SMARCAL1: variants seen among roughly 807,000 people sequenced by gnomAD.
SMARCAL1 encodes the protein SNF2 related chromatin remodeling annealing helicase 1, also known as ATP-driven annealing helicase.
SMARCAL1 carries 58 observed loss-of-function variants against 94.5 expected under a neutral mutation model. The ratio of observed to expected loss-of-function variants is 0.61; its 90% CI spans 0.50 to 0.76. The LOEUF (loss-of-function observed/expected upper bound fraction) is 0.76, where lower values mean the gene tolerates loss of function less well. Ranked by LOEUF, SMARCAL1 falls within the 30% of genes least tolerant of loss-of-function variation. The probability of loss-of-function intolerance (pLI) is 0.00; values close to 1 mark genes in which losing one functional copy is unlikely to be tolerated. For synonymous variants in SMARCAL1, 422 were observed against 455.1 expected, an observed-to-expected ratio of 0.93 and a Z score of 0.93; for missense variants, 1,051 against 1,177.9, an observed-to-expected ratio of 0.89 and a Z score of 1.58.
At chr2:216,461,821 C>A (rs1438588078) in intron 12 of SMARCAL1, among the ~76,000 whole-genome samples, 1 of 150,222 alleles carries the variant, frequency 6.7e-6, no homozygotes, top group African/African-American at 2.5e-5. Context: ...CAGACAGAGA[C>A]CTTGTCTCAA....
intron 6 of SMARCAL1, chr2:216,426,963 G>A (rs887120078): frequency 1.3e-5 from 2 of 152,212 alleles, no homozygotes; most frequent in African/African-American, 4.8e-5. Flanking sequence ...ATTTTCTTTA[G>A]TAAGGAGAAT....
chr2:216,438,446 T>C lies in SMARCAL1; in HGVS notation c.1671T>C (p.Ser557=), dbSNP rs771885613. The C allele has an allele frequency of 2.2e-5, 36 of 1,613,956 alleles. No individual in the cohort carries two copies. Among genetic ancestry groups the C allele is most frequent in the Non-Finnish European group, 2.7e-5 (32 of 1,179,974 alleles). The change falls in exon 10 of 18, where the codon AGT becomes AGC. Residue 557 remains serine, a synonymous_variant. Transcript: ENST00000357276. ...IIDESHFLKN[S]RTARCRAAMP... ...ATGAATCTCACTTCCTCAAAAACAGTAGGACTGCCCGCTGTCGAGCAGCTA... is the reference window on the plus strand; with the variant it reads ...ATGAATCTCACTTCCTCAAAAACAGCAGGACTGCCCGCTGTCGAGCAGCTA...
At position 216,450,895 on chromosome 2, in the gene SMARCAL1, A is replaced by G; in HGVS notation, c.1901A>G (p.Lys634Arg). 6.2e-7 allele frequency: 1 copy of G among 1,614,200 alleles called. No homozygotes were observed. The highest frequency in any genetic ancestry group is 1.7e-4 in the Middle Eastern group (1 of 6,060). The change falls in exon 12 of 18, where the codon AAG (lysine) becomes AGG (arginine). Residue 634 changes from lysine to arginine, a missense_variant. By Grantham distance (26) the Lys-to-Arg change is conservative (BLOSUM62 2). Coordinates refer to ENST00000357276, the MANE Select transcript of SMARCAL1 (RefSeq NM_014140.4). ...YSGSSNLGELKLLLEEAVMLR... is the reference protein window; with the variant it reads ...YSGSSNLGELRLLLEEAVMLR... ...GGTTCCTCCAACCTGGGAGAGCTGAAGCTCCTGCTGGAGGAAGCAGTCATG... is the reference window on the plus strand; with the variant it reads ...GGTTCCTCCAACCTGGGAGAGCTGAGGCTCCTGCTGGAGGAAGCAGTCATG...
intron 1 of SMARCAL1, among the ~76,000 whole-genome samples, chr2:216,413,559 T>C (rs1483195628): frequency 1.3e-5 from 2 of 152,250 alleles, no homozygotes; most frequent in Admixed American, 6.5e-5. Flanking sequence ...TCAACTGTGG[T>C]TATTGATGGC....
At position 216,447,183 on chromosome 2, in the gene SMARCAL1, G is replaced by A. The variant is rs550093209; in HGVS notation, c.1851+25G>A. 30 of 1,120,000 alleles carry A rather than the reference G, an allele frequency of 2.7e-5. No individual in the cohort carries two copies. The East Asian group carries it at 8.2e-4, about 31-fold the overall frequency. The allele number at this position is 1,120,000 out of a possible 1,614,324, so 69.4% of individuals were successfully genotyped here. A position where few individuals can be genotyped will look rare whatever the true frequency, so the allele number is the denominator to read the frequency against. On this transcript the variant is annotated intron_variant, in intron 11 of 17. Transcript: ENST00000357276. ...GGTATGTATTATCTCTTCCCTCCCA[G>A]CCCACCCATTTCTCACCCTGATTTT...
At chr2:216,459,231 A>G (rs1173439366) in intron 12 of SMARCAL1, among the ~76,000 whole-genome samples, 1 of 152,210 alleles carries the variant, frequency 6.6e-6, no homozygotes, top group African/African-American at 2.4e-5. Context: ...AATAGGAGGA[A>G]TCGATATCAT....
intron 14 of SMARCAL1, among the ~76,000 whole-genome samples, chr2:216,468,830 C>T (rs574512653): frequency 2.7e-4 from 41 of 152,264 alleles, no homozygotes; most frequent in Middle Eastern, 6.8e-3. Flanking sequence ...AAGTGATTCT[C>T]GTGCCTCAGC....
At chr2:216,453,505 A>T (rs1694494158) in intron 12 of SMARCAL1, among the ~76,000 whole-genome samples, 1 of 152,254 alleles carries the variant, frequency 6.6e-6, no homozygotes, top group South Asian at 2.1e-4. Context: ...TAAACCATGG[A>T]TCTGATCAGG....
At position 216,475,779 on chromosome 2, in the gene SMARCAL1, G is replaced by A. The variant is rs1006219640; in HGVS notation, c.2427+328G>A. On this transcript the variant is annotated intron_variant, in intron 15 of 17. Transcript: ENST00000357276. The surrounding 1 kb of genome is among the most constrained non-coding windows in gnomAD (Gnocchi z 4.4). Reference sequence around the variant, plus strand: ...ACAGGTGTGAGCCACCACGCCAGGCGATTGGCTGTTTTCTAGATTTTCACA... The same window carrying A: ...ACAGGTGTGAGCCACCACGCCAGGCAATTGGCTGTTTTCTAGATTTTCACA... 6.6e-6 allele frequency among the ~76,000 whole-genome samples: 1 copy of A among 151,958 alleles called. No individual in the cohort carries two copies. The highest frequency in any genetic ancestry group is 6.6e-5 in the Admixed American group (1 of 15,262).
chr2:216,445,665 C>G (rs562308346), intron 10 of SMARCAL1, among the ~76,000 whole-genome samples: 3 of 152,244 alleles, frequency 2.0e-5, no homozygotes, highest in South Asian at 4.1e-4. Flanking sequence ...CTACCAACGT[C>G]AGCTCATTGT....
chr2:216,475,568 C>A lies in SMARCAL1; in HGVS notation c.2427+117C>A. On this transcript the variant is annotated intron_variant, in intron 15 of 17. Coordinates refer to ENST00000357276, the MANE Select transcript of SMARCAL1 (RefSeq NM_014140.4). This position sits in a 1 kb window ranked among gnomAD's most constrained non-coding sequence, Gnocchi z 4.4. ...CCTTTTATCCATTCATTATACTTCC[C>A]ACAAGTCAGTTTTCACTTCCTTTAA... 1 of 1,054,986 alleles carries A rather than the reference C, an allele frequency of 9.5e-7. No individual in the cohort carries two copies. Among genetic ancestry groups the A allele is most frequent in the Non-Finnish European group, 1.5e-6 (1 of 683,774 alleles). 65.4% of individuals were successfully genotyped at this position (1,054,986 alleles called of 1,614,324 possible).
At chr2:216,449,390 T>G (rs1454337111) in intron 11 of SMARCAL1, among the ~76,000 whole-genome samples, 1 of 86,500 alleles carries the variant, frequency 1.2e-5, no homozygotes, top group African/African-American at 2.8e-5. Context: ...TTTTTTTTTC[T>G]TTTTCTTTTT....
intron 8 of SMARCAL1, among the ~76,000 whole-genome samples, chr2:216,434,149 T>C (rs1178426043): frequency 1.3e-5 from 2 of 152,016 alleles, no homozygotes; most frequent in African/African-American, 2.4e-5. Context: ...CTTCAGAACA[T>C]ATTTTGTGTG....
intron 7 of SMARCAL1, among the ~76,000 whole-genome samples, chr2:216,431,546 A>T (rs1405705861): frequency 3.3e-5 from 5 of 152,144 alleles, no homozygotes; most frequent in African/African-American, 1.2e-4. Context: ...CTTCCTTAGC[A>T]CTTATGATGT....
intron 9 of SMARCAL1, among the ~76,000 whole-genome samples, chr2:216,437,394 T>C (rs1156476563): frequency 6.6e-6 from 1 of 152,214 alleles, no homozygotes; most frequent in Non-Finnish European, 1.5e-5. Context: ...TTTTTGCTCA[T>C]GATAGCTGAA....
intron 15 of SMARCAL1, among the ~76,000 whole-genome samples, chr2:216,476,627 A>G (rs1485637831): frequency 6.6e-6 from 1 of 152,228 alleles, no homozygotes; most frequent in Non-Finnish European, 1.5e-5. Flanking sequence ...AGTATTTATT[A>G]TAAGGCTTAC....
rs74735444 is a variant in SMARCAL1, at chr2:216,434,378, C to T, written c.1486-960C>T. 4.1e-3 allele frequency among the ~76,000 whole-genome samples: 617 copies of T among 152,280 alleles called. 1 individual carries two copies. Among genetic ancestry groups the T allele is most frequent in the Non-Finnish European group, 5.9e-3 (399 of 68,032 alleles). On this transcript the variant is annotated intron_variant, in intron 8 of 17. Coordinates refer to ENST00000357276, the MANE Select transcript of SMARCAL1 (RefSeq NM_014140.4). ...GAAATATCGACATAAGTAGTCTCGT[C>T]ATCATCAATAAATGTTTATGATTTG...
chr2:216,430,032 C>A (rs930298231), intron 7 of SMARCAL1, among the ~76,000 whole-genome samples: 1 of 152,162 alleles, frequency 6.6e-6, no homozygotes, highest in Non-Finnish European at 1.5e-5. Flanking sequence ...CCCCTGCCTT[C>A]AGCATCCAAG....
At chr2:216,463,259 T>G (rs1694746967) in intron 12 of SMARCAL1, among the ~76,000 whole-genome samples, 1 of 152,226 alleles carries the variant, frequency 6.6e-6, no homozygotes, top group African/African-American at 2.4e-5. Context: ...GATGGCCACC[T>G]GTCTTGGTCC....
Sources: gnomAD v4.1 joint callset for allele counts (sites outside exome capture counted in the v4.1 genomes callset) on GRCh38, gnomAD v4.1.1 for gene constraint, Gnocchi (gnomAD v3.1) non-coding constraint, MANE v1.5 for transcripts, NCBI Gene and HGNC (gene_info 2026-07-23, HGNC 2026-07-21) for gene names.